The following DOCK3 variants were observed in gnomAD, a reference collection of about 807,000 sequenced individuals.
DOCK3 encodes the protein dedicator of cytokinesis protein 3.
In DOCK3, 60 loss-of-function variants were observed where a neutral mutation model predicts 265.6. The ratio of observed to expected loss-of-function variants is 0.23; its 90% CI spans 0.18 to 0.28. The LOEUF is 0.28. Ranked by LOEUF, DOCK3 falls within the 10% of genes least tolerant of loss-of-function variation. The probability of loss-of-function intolerance (pLI) is 1.00; values close to 1 mark genes in which losing one functional copy is unlikely to be tolerated. For missense variants in DOCK3, 1,981 were observed against 2,594.3 expected (o/e 0.76, Z 5.14); for synonymous variants, 881 against 938.0 (o/e 0.94, Z 1.11).
chr3:51,205,986 A>G lies in DOCK3; in HGVS notation c.1038-2788A>G, dbSNP rs999264303. ...TTGAAGCTACCAGGAGTTTCTTTCAAGCATACTTCCAGCCATTGGTGCTCC... is the reference window on the plus strand; with the variant it reads ...TTGAAGCTACCAGGAGTTTCTTTCAGGCATACTTCCAGCCATTGGTGCTCC... On this transcript the variant is annotated intron_variant, in intron 12 of 52. Transcript: ENST00000266037. Among the ~76,000 whole-genome samples, 6 of 152,214 alleles carry G rather than the reference A, an allele frequency of 3.9e-5. No homozygotes were observed. In the East Asian group the frequency reaches 5.8e-4, roughly 15 times the overall value.
At chr3:50,955,735 T>G (rs1260276396) in intron 5 of DOCK3, among the ~76,000 whole-genome samples, 1 of 152,122 alleles carries the variant, frequency 6.6e-6, no homozygotes, top group Non-Finnish European at 1.5e-5. Flanking sequence ...TATTGGGCAC[T>G]AGGCTTAGAA....
intron 13 of DOCK3, among the ~76,000 whole-genome samples, chr3:51,212,645 T>C (rs985670066): frequency 6.6e-6 from 1 of 152,150 alleles, no homozygotes; most frequent in Non-Finnish European, 1.5e-5. Flanking sequence ...AGCTGTTCTC[T>C]ACAGAGATTA....
At chr3:51,247,627 C>A (rs980868706) in intron 22 of DOCK3, among the ~76,000 whole-genome samples, 7 of 152,182 alleles carry the variant, frequency 4.6e-5, no homozygotes, top group Non-Finnish European at 8.8e-5. Context: ...GGGGCAAAAT[C>A]AAATCATAGA....
At chr3:50,804,565 C>G (rs1263582311) in intron 2 of DOCK3, among the ~76,000 whole-genome samples, 1 of 152,168 alleles carries the variant, frequency 6.6e-6, no homozygotes, top group Non-Finnish European at 1.5e-5. Context: ...GGCGAAACCC[C>G]ATCTCCACCA....
Position 51,228,713 on chromosome 3 carries a change from G to A in DOCK3, c.1700G>A (p.Cys567Tyr). 6.2e-7 allele frequency: 1 copy of A among 1,613,926 alleles called. No homozygotes were observed. Among genetic ancestry groups the A allele is most frequent in the Non-Finnish European group, 8.5e-7 (1 of 1,179,884 alleles). Residue 567 changes from cysteine to tyrosine, a missense_variant, in exon 18 of 53, where the codon TGC becomes TAC. Coordinates refer to ENST00000266037, the MANE Select transcript of DOCK3 (RefSeq NM_004947.5). ...NNHALYLGLP[C>Y]CKEDYNGCPN... ...CATGCTCTGTACCTGGGCCTGCCCTGCTGCAAAGAGGACTACAATGGCTGC... is the reference window on the plus strand; with the variant it reads ...CATGCTCTGTACCTGGGCCTGCCCTACTGCAAAGAGGACTACAATGGCTGC...
chr3:51,125,147 C>T (rs2084213120), intron 9 of DOCK3, among the ~76,000 whole-genome samples: 1 of 151,920 alleles, frequency 6.6e-6, no homozygotes, highest in African/African-American at 2.4e-5. Context: ...AATAGCCATA[C>T]TTTTTTTATA....
intron 8 of DOCK3, among the ~76,000 whole-genome samples, chr3:51,089,843 G>A (rs1256534563): frequency 8.3e-5 from 12 of 144,094 alleles, no homozygotes; most frequent in Admixed American, 7.1e-5. Flanking sequence ...AGAGTGCAGT[G>A]AGCCGAGATC....
intron 12 of DOCK3, among the ~76,000 whole-genome samples, chr3:51,178,332 G>T (rs1261976194): frequency 6.6e-6 from 1 of 152,080 alleles, no homozygotes; most frequent in Non-Finnish European, 1.5e-5. Flanking sequence ...GCCTTTCAGG[G>T]TTGGCACAAA....
chr3:51,034,319 A>G (rs976189778), intron 5 of DOCK3, among the ~76,000 whole-genome samples: 4 of 151,788 alleles, frequency 2.6e-5, no homozygotes, highest in Non-Finnish European at 5.9e-5. Context: ...TCCCTTTTGC[A>G]TCTTCTTTTG....
At chr3:51,330,589 A>G (rs1250019906) in intron 33 of DOCK3, among the ~76,000 whole-genome samples, 1 of 152,154 alleles carries the variant, frequency 6.6e-6, no homozygotes, top group African/African-American at 2.4e-5. Flanking sequence ...TCCTCCTTTG[A>G]GAGACAGGTT....
At chr3:51,189,833 C>A (rs957212461) in intron 12 of DOCK3, among the ~76,000 whole-genome samples, 2 of 152,084 alleles carry the variant, frequency 1.3e-5, no homozygotes, top group East Asian at 3.9e-4. Flanking sequence ...TAAGAAATCC[C>A]CATACTGTTT....
chr3:51,037,680 T>G (rs1021458672), intron 5 of DOCK3, among the ~76,000 whole-genome samples: 10 of 152,202 alleles, frequency 6.6e-5, no homozygotes, highest in African/African-American at 2.4e-4. Flanking sequence ...AATCAAGTGT[T>G]TTTTCTTCTT....
At chr3:50,694,741 G>C (rs2035497344) in intron 1 of DOCK3, among the ~76,000 whole-genome samples, 1 of 152,152 alleles carries the variant, frequency 6.6e-6, no homozygotes, top group South Asian at 2.1e-4. Context: ...AACCGGGGAG[G>C]TGGAGGTTAC....
At chr3:51,237,641 A>G in intron 21 of DOCK3, 51 bp downstream of exon 21, 1 of 1,518,052 alleles carries the variant, frequency 6.6e-7, no homozygotes, top group Non-Finnish European at 9.0e-7. Context: ...GTAGAAATAT[A>G]GGCTTTAAAA....
chr3:50,705,523 C>T (rs2036349281), intron 1 of DOCK3, among the ~76,000 whole-genome samples: 1 of 152,174 alleles, frequency 6.6e-6, no homozygotes, highest in African/African-American at 2.4e-5. Context: ...TCAAGCAGTT[C>T]TCCTGCCTCA....
At chr3:50,834,096 A>G (rs1162021057) in intron 2 of DOCK3, among the ~76,000 whole-genome samples, 4 of 151,824 alleles carry the variant, frequency 2.6e-5, no homozygotes, top group African/African-American at 9.7e-5. Context: ...CTTGATATTC[A>G]TGAACATTTC....
intron 9 of DOCK3, among the ~76,000 whole-genome samples, chr3:51,097,013 C>T (rs1323574020): frequency 1.3e-5 from 2 of 152,228 alleles, no homozygotes; most frequent in Non-Finnish European, 2.9e-5. Context: ...CAGATGCCAG[C>T]CAGAGCTCTC....
chr3:51,289,573 T>A (rs1291768618), intron 27 of DOCK3, among the ~76,000 whole-genome samples: 1 of 151,768 alleles, frequency 6.6e-6, no homozygotes, highest in Non-Finnish European at 1.5e-5. Context: ...TATCGGTAAT[T>A]ACTTTGAATG....
At position 51,260,345 on chromosome 3, in the gene DOCK3, A is replaced by G. The variant is rs761076770; in HGVS notation, c.2355+19A>G. The G allele has an allele frequency of 1.9e-6, 3 of 1,584,530 alleles. No individual in the cohort carries two copies. Among genetic ancestry groups the G allele is most frequent in the Non-Finnish European group, 2.6e-6 (3 of 1,164,768 alleles). ...TACTCAGGTTCGCACACTGCAGGGA[A>G]GCTTTGATGCTGGGTTCCTCTTTCT... On this transcript the variant is annotated intron_variant, in intron 23 of 52. Transcript: ENST00000266037.
Sources: gnomAD v4.1 joint callset for allele counts (sites outside exome capture counted in the v4.1 genomes callset) on GRCh38, gnomAD v4.1.1 for gene constraint, MANE v1.5 for transcripts, NCBI Gene and HGNC (gene_info 2026-07-23, HGNC 2026-07-21) for gene names.